CACNA1B: variants seen among roughly 807,000 people sequenced by gnomAD.
CACNA1B encodes the protein calcium voltage-gated channel subunit alpha1 B.
In CACNA1B, 70 loss-of-function variants were observed where a neutral mutation model predicts 247.2. That is an observed-to-expected ratio of 0.28 (90% CI 0.23 to 0.35). The LOEUF (loss-of-function observed/expected upper bound fraction) is 0.35, where lower values mean the gene tolerates loss of function less well. Ranked by LOEUF, CACNA1B falls within the 10% of genes least tolerant of loss-of-function variation. CACNA1B has a pLI of 1.00. For synonymous variants in CACNA1B, 1,231 were observed against 1,294.4 expected (o/e 0.95, Z 1.05); for missense variants, 2,367 against 3,197.4 (o/e 0.74, Z 6.26).
chr9:138,119,154 GAC>G (rs1406452917), intron 44 of CACNA1B, among the ~76,000 whole-genome samples: 1 of 151,970 alleles, frequency 6.6e-6, no homozygotes, highest in Non-Finnish European at 1.5e-5. Context: ...AAATTTCACC[GAC>G]ACCTCAGTCC....
chr9:137,928,135 G>A (rs1405750759), intron 6 of CACNA1B, among the ~76,000 whole-genome samples: 1 of 152,094 alleles, frequency 6.6e-6, no homozygotes, highest in African/African-American at 2.4e-5. Flanking sequence ...GTCTTGCTGT[G>A]TCACCAGGCT....
chr9:138,049,239 G>A lies in CACNA1B; in HGVS notation c.3634G>A (p.Gly1212Arg), dbSNP rs746783495. The stretch of plus-strand genomic sequence containing the variant: ...CGACTTGGGACTGCTGCTTCACCCT[G>A]GAGCCTATTTCCGGGACTTGTGGAA... ...MIDLGLLLHP[G>R]AYFRDLWNIL... Residue 1212 changes from glycine (G) to arginine (R), a missense_variant, in exon 24 of 47, where the codon GGA (glycine) becomes AGA (arginine). Transcript: ENST00000371372. 1 of 1,613,072 alleles carries A rather than the reference G, an allele frequency of 6.2e-7. No homozygotes were observed. The highest frequency in any genetic ancestry group is 1.1e-5 in the South Asian group (1 of 91,060).
intron 36 of CACNA1B, among the ~76,000 whole-genome samples, chr9:138,080,895 G>T (rs1960501604): frequency 6.6e-6 from 1 of 152,212 alleles, no homozygotes; most frequent in Non-Finnish European, 1.5e-5. Flanking sequence ...AGACAGGTGA[G>T]CTTACACTTA....
At position 138,023,295 on chromosome 9, in the gene CACNA1B, A is replaced by T; in HGVS notation, c.2552A>T (p.His851Leu). The change falls in exon 19 of 47, where the codon CAC becomes CTC. Residue 851 changes from histidine to leucine, a missense_variant. His to Leu is a moderately conservative substitution (Grantham distance 99, BLOSUM62 -3). Transcript: ENST00000371372. Reference sequence around the variant, plus strand: ...GAGGGCGTCGACCCTCCGCGCAGGCACCACCGGCACCGCGACAAGGACAAG... The same window carrying T: ...GAGGGCGTCGACCCTCCGCGCAGGCTCCACCGGCACCGCGACAAGGACAAG... ...APEGVDPPRR[H>L]HRHRDKDKTP... The T allele has an allele frequency of 6.6e-7, 1 of 1,515,150 alleles. No homozygotes were observed. The highest frequency in any genetic ancestry group is 8.8e-7 in the Non-Finnish European group (1 of 1,139,682). 93.9% of individuals were successfully genotyped at this position (1,515,150 alleles called of 1,614,324 possible).
At chr9:138,032,812 C>A (rs959506487) in intron 20 of CACNA1B, 4 of 383,368 alleles carry the variant, frequency 1.0e-5, no homozygotes, top group Non-Finnish European at 2.0e-5. Flanking sequence ...AGATTTTTTT[C>A]CTTGTCTTTA....
At chr9:137,948,390 T>C (rs1957823118) in intron 6 of CACNA1B, among the ~76,000 whole-genome samples, 1 of 152,182 alleles carries the variant, frequency 6.6e-6, no homozygotes, top group African/African-American at 2.4e-5. Flanking sequence ...GAGGTTCACT[T>C]TTCTCTCCTT....
At position 137,986,404 on chromosome 9, in the gene CACNA1B, GC is replaced by G. The variant is rs762848006; in HGVS notation, c.1770-5del. The stretch of plus-strand genomic sequence containing the variant: ...GGAGCTGGCTCAGACCCCCTGCCTG[GC>G]CCCGCAGGTACTGGAGCTCCCTGCG... On this transcript the variant is annotated splice_region_variant and splice_polypyrimidine_tract_variant and intron_variant, in intron 13 of 46. Transcript: ENST00000371372. This position sits in a 1 kb window ranked among gnomAD's most constrained non-coding sequence, Gnocchi z 6.0. The G allele has an allele frequency of 6.2e-7, 1 of 1,613,456 alleles. No individual in the cohort carries two copies. Among genetic ancestry groups the G allele is most frequent in the Non-Finnish European group, 8.5e-7 (1 of 1,179,730 alleles).
chr9:137,995,034 A>G (rs1958479853), intron 15 of CACNA1B, among the ~76,000 whole-genome samples: 1 of 152,032 alleles, frequency 6.6e-6, no homozygotes, highest in African/African-American at 2.4e-5. Context: ...ATGAAACCCC[A>G]ACCCTACTTA....
In CACNA1B at chr9:138,120,252, G is replaced by A; in HGVS notation, c.6118G>A (p.Asp2040Asn). The A allele has an allele frequency of 1.9e-6, 3 of 1,603,208 alleles. No individual in the cohort carries two copies. Among genetic ancestry groups the A allele is most frequent in the Non-Finnish European group, 2.6e-6 (3 of 1,176,142 alleles). ...RGTHLCSTTP[D>N]RPPPSQASSH... is the part of the protein sequence containing the mutation. ...GACTCATCTTTGCAGCACCACCCCG[G>A]ACCGCCCACCCCCTAGCCAGGCGTC... Residue 2040 changes from aspartate to asparagine, a missense_variant, in exon 45 of 47, where the codon GAC (aspartate) becomes AAC (asparagine). Asp to Asn is a conservative substitution (Grantham distance 23, BLOSUM62 1). Around this residue, in one of 12 missense-constraint regions of CACNA1B, gnomAD observed 773 missense variants for 779.4 expected, o/e 0.99. Coordinates refer to ENST00000371372, the MANE Select transcript of CACNA1B (RefSeq NM_000718.4).
intron 6 of CACNA1B, among the ~76,000 whole-genome samples, chr9:137,941,241 T>C (rs1957729429): frequency 6.6e-6 from 1 of 152,190 alleles, no homozygotes; most frequent in African/African-American, 2.4e-5. Context: ...ATAATTAATG[T>C]ACACAAATCA....
intron 6 of CACNA1B, among the ~76,000 whole-genome samples, chr9:137,921,944 A>C (rs11137310): frequency 3.0e-4 from 18 of 59,708 alleles, no homozygotes; most frequent in Non-Finnish European, 3.5e-5. Context: ...CCACGACCGC[A>C]CAGCATCCTG....
chr9:137,893,605 C>T (rs1052566207), intron 3 of CACNA1B, among the ~76,000 whole-genome samples: 4 of 150,544 alleles, frequency 2.7e-5, no homozygotes, highest in South Asian at 4.2e-4. Context: ...GAGCTGAGAT[C>T]GCGCCATTGC....
chr9:137,971,538 C>G lies in CACNA1B; in HGVS notation c.1489C>G (p.Leu497Val), dbSNP rs746404190. ...GCTGTGCGTGGTGGCCCTGAACACACTGTGTGTGGCCATGGTGCATTACAA... is the reference window on the plus strand; with the variant it reads ...GCTGTGCGTGGTGGCCCTGAACACAGTGTGTGTGGCCATGGTGCATTACAA... ...VVLCVVALNT[L>V]CVAMVHYNQP... Residue 497 changes from leucine to valine, a missense_variant, in exon 11 of 47, where the codon CTG becomes GTG. Leu to Val is a conservative substitution (Grantham distance 32, BLOSUM62 1). Around this residue, in one of 12 missense-constraint regions of CACNA1B, gnomAD observed 219 missense variants for 297.6 expected, o/e 0.74. Transcript: ENST00000371372. This position sits in a 1 kb window ranked among gnomAD's most constrained non-coding sequence, Gnocchi z 4.4. The G allele has an allele frequency of 2.0e-5, 32 of 1,613,800 alleles. No homozygotes were observed. The highest frequency in any genetic ancestry group is 1.4e-4 in the South Asian group (13 of 91,040).
chr9:138,093,260 A>T (rs1442950534), intron 36 of CACNA1B, among the ~76,000 whole-genome samples: 1 of 152,072 alleles, frequency 6.6e-6, no homozygotes, highest in Non-Finnish European at 1.5e-5. Flanking sequence ...TCTCTACTAA[A>T]AATACAAAAA....
At chr9:138,009,958 T>C (rs1958703551) in intron 16 of CACNA1B, 52 bp from the exon 17 acceptor site, 3 of 1,430,494 alleles carry the variant, frequency 2.1e-6, no homozygotes. Context: ...AGCTGCAGTG[T>C]GACTGGGGCC....
chr9:137,917,208 A>G lies in CACNA1B; in HGVS notation c.776-33A>G. The G allele has an allele frequency of 6.3e-7, 1 of 1,584,440 alleles. No homozygotes were observed. Among genetic ancestry groups the G allele is most frequent in the Non-Finnish European group, 8.6e-7 (1 of 1,163,792 alleles). Reference sequence around the variant, plus strand: ...GGGATTGGAGAGCTTGGTATTTCTGAGCTCAGGGTCTGCTTCATTCTCCTT... The same window carrying G: ...GGGATTGGAGAGCTTGGTATTTCTGGGCTCAGGGTCTGCTTCATTCTCCTT... On this transcript the variant is annotated intron_variant, in intron 5 of 46. Coordinates refer to ENST00000371372, the MANE Select transcript of CACNA1B (RefSeq NM_000718.4). This position sits in a 1 kb window ranked among gnomAD's most constrained non-coding sequence, Gnocchi z 5.5.
At chr9:138,023,884 GGCCATGGGGTCCACGGCGGAGGCTGCA>G in intron 19 of CACNA1B, 73 bp downstream of exon 19, 1 of 758,936 alleles carries the variant, frequency 1.3e-6, no homozygotes, top group Non-Finnish European at 2.3e-6. Flanking sequence ...CGGTGGCTGC[GGCCATGGGGTCCACGGCGGAGGCTGCA>G]GCCCCGGCCA....
chr9:137,960,510 G>T (rs891886802), intron 10 of CACNA1B, among the ~76,000 whole-genome samples: 3 of 150,496 alleles, frequency 2.0e-5, no homozygotes, highest in South Asian at 4.3e-4. Flanking sequence ...AGGGAGGGGA[G>T]GTCAGCCTGA....
At chr9:138,095,660 T>C (rs1430617807) in intron 36 of CACNA1B, among the ~76,000 whole-genome samples, 1 of 152,184 alleles carries the variant, frequency 6.6e-6, no homozygotes, top group East Asian at 1.9e-4. Context: ...GCATAGAAAC[T>C]TGTACATGAA....
Sources: gnomAD v4.1 joint callset for allele counts (sites outside exome capture counted in the v4.1 genomes callset) on GRCh38, gnomAD v4.1.1 for gene constraint, gnomAD v4.1.1 regional missense constraint, Gnocchi (gnomAD v3.1) non-coding constraint, MANE v1.5 for transcripts, NCBI Gene and HGNC (gene_info 2026-07-23, HGNC 2026-07-21) for gene names.